Variants in CDH12 observed in about 807,000 individuals in gnomAD.
CDH12 encodes cadherin-12.
In CDH12, 41 loss-of-function variants were observed where a neutral mutation model predicts 74.1. The observed-to-expected ratio is 0.55, with a 90% CI of 0.43 to 0.72. The LOEUF (loss-of-function observed/expected upper bound fraction) is 0.72, where lower values mean the gene tolerates loss of function less well. Among genes scored for constraint, CDH12 ranks in the 30% least tolerant of loss-of-function variants. The pLI, the probability that CDH12 is intolerant of heterozygous loss-of-function variation, is 0.00. For missense variants in CDH12, 945 were observed against 977.2 expected (o/e 0.97, Z 0.44); for synonymous variants, 399 against 355.0 (o/e 1.12, Z -1.39).
intron 1 of CDH12, among the ~76,000 whole-genome samples, chr5:22,522,527 C>T (rs1350669798): frequency 6.6e-6 from 1 of 152,080 alleles, no homozygotes; most frequent in Non-Finnish European, 1.5e-5. Flanking sequence ...TGTTGTTGTC[C>T]TCCAAACTGA....
chr5:22,114,004 C>T (rs1463185933), intron 4 of CDH12, among the ~76,000 whole-genome samples: 2 of 152,146 alleles, frequency 1.3e-5, no homozygotes, highest in African/African-American at 2.4e-5. Context: ...CATCAGGTGG[C>T]ATCTCTAGCA....
chr5:21,806,634 T>C (rs1258517589), intron 9 of CDH12, among the ~76,000 whole-genome samples: 1 of 152,196 alleles, frequency 6.6e-6, no homozygotes, highest in Non-Finnish European at 1.5e-5. Context: ...AAATAATTTG[T>C]TTGCCTTTTC....
intron 3 of CDH12, among the ~76,000 whole-genome samples, chr5:22,303,259 A>G (rs1737967091): frequency 6.6e-6 from 1 of 152,150 alleles, no homozygotes; most frequent in South Asian, 2.1e-4. Flanking sequence ...TGTCAATACA[A>G]TGACAAATGT....
At chr5:22,185,179 T>A (rs1345161808) in intron 4 of CDH12, among the ~76,000 whole-genome samples, 1 of 150,484 alleles carries the variant, frequency 6.6e-6, no homozygotes, top group Non-Finnish European at 1.5e-5. Context: ...AGAAACAGAG[T>A]CCTCCTTCTC....
chr5:22,044,947 G>T (rs907483572), intron 5 of CDH12, among the ~76,000 whole-genome samples: 1 of 152,088 alleles, frequency 6.6e-6, no homozygotes, highest in Non-Finnish European at 1.5e-5. Context: ...AGACAAATGG[G>T]ATTAAAAGCT....
At chr5:22,333,111 A>G (rs576464490) in intron 3 of CDH12, among the ~76,000 whole-genome samples, 31 of 152,344 alleles carry the variant, frequency 2.0e-4, no homozygotes, top group East Asian at 7.7e-4. Flanking sequence ...TGTGGTACAC[A>G]TACACCATGG....
intron 3 of CDH12, among the ~76,000 whole-genome samples, chr5:22,287,027 G>A (rs1204270776): frequency 6.6e-6 from 1 of 152,160 alleles, no homozygotes; most frequent in African/African-American, 2.4e-5. Context: ...TTGAACAAAT[G>A]TTCCAATGGA....
At chr5:22,238,953 C>T (rs897762855) in intron 3 of CDH12, among the ~76,000 whole-genome samples, 1 of 152,064 alleles carries the variant, frequency 6.6e-6, no homozygotes, top group Non-Finnish European at 1.5e-5. Flanking sequence ...TAAATCTAGA[C>T]GTTAGGGAAA....
chr5:22,773,659 T>C (rs932303611), intron 1 of CDH12, among the ~76,000 whole-genome samples: 1 of 151,996 alleles, frequency 6.6e-6, no homozygotes, highest in Non-Finnish European at 1.5e-5. Flanking sequence ...GGACCTAAAC[T>C]AAAGAGCTTC....
At chr5:22,525,586 C>T (rs1360417421) in intron 1 of CDH12, among the ~76,000 whole-genome samples, 7 of 151,982 alleles carry the variant, frequency 4.6e-5, no homozygotes, top group South Asian at 2.1e-4. Flanking sequence ...CCTAGTATGA[C>T]GAGAAAATTT....
chr5:22,019,855 G>T (rs1737850125), intron 5 of CDH12, among the ~76,000 whole-genome samples: 1 of 152,128 alleles, frequency 6.6e-6, no homozygotes, highest in South Asian at 2.1e-4. Context: ...TTTCTAAACT[G>T]GGAGTGGCAA....
intron 1 of CDH12, among the ~76,000 whole-genome samples, chr5:22,681,004 C>A (rs1741456696): frequency 6.6e-6 from 1 of 151,954 alleles, no homozygotes; most frequent in African/African-American, 2.4e-5. Flanking sequence ...GTGTATATTT[C>A]ATTACACAAG....
At chr5:22,708,704 A>G (rs1279061558) in intron 1 of CDH12, among the ~76,000 whole-genome samples, 1 of 152,178 alleles carries the variant, frequency 6.6e-6, no homozygotes, top group Non-Finnish European at 1.5e-5. Context: ...AATCTATATG[A>G]AATGCATTTT....
intron 1 of CDH12, among the ~76,000 whole-genome samples, chr5:22,511,469 TA>T (rs1442734743): frequency 1.3e-5 from 2 of 152,002 alleles, no homozygotes; most frequent in Non-Finnish European, 2.9e-5. Flanking sequence ...AAAAAGCATA[TA>T]AAAATGATTC....
At chr5:22,220,198 T>A (rs1299341208) in intron 3 of CDH12, among the ~76,000 whole-genome samples, 1 of 151,762 alleles carries the variant, frequency 6.6e-6, no homozygotes, top group East Asian at 1.9e-4. Flanking sequence ...TGTAATACAA[T>A]GGCAAGTGTT....
intron 1 of CDH12, among the ~76,000 whole-genome samples, chr5:22,616,296 G>C (rs373528570): frequency 3.3e-5 from 5 of 151,928 alleles, no homozygotes; most frequent in Non-Finnish European, 5.9e-5. Context: ...TATACAAATA[G>C]GTATGAGAAA....
chr5:22,042,271 A>C (rs1363779087), intron 5 of CDH12, among the ~76,000 whole-genome samples: 1 of 152,124 alleles, frequency 6.6e-6, no homozygotes, highest in Non-Finnish European at 1.5e-5. Context: ...GAAACAAATT[A>C]AACCCAAGGT....
At chr5:22,044,107 CA>C (rs967920914) in intron 5 of CDH12, among the ~76,000 whole-genome samples, 1 of 152,022 alleles carries the variant, frequency 6.6e-6, no homozygotes, top group African/African-American at 2.4e-5. Context: ...CATGGAACCA[CA>C]AAAAATTCTA....
chr5:21,908,740 A>G (rs1015194926), intron 6 of CDH12, among the ~76,000 whole-genome samples: 10 of 152,168 alleles, frequency 6.6e-5, no homozygotes, highest in Non-Finnish European at 1.2e-4. Flanking sequence ...AGGCGTGCTC[A>G]TCTTCAATAC....
Sources: allele counts gnomAD v4.1 joint callset (sites outside exome capture counted in the v4.1 genomes callset), GRCh38; gene constraint gnomAD v4.1.1; transcripts MANE v1.5; gene names NCBI Gene and HGNC (gene_info 2026-07-23, HGNC 2026-07-21).